The following ZNF532 variants were observed in gnomAD, a reference collection of about 807,000 sequenced individuals.
ZNF532 encodes the protein zinc finger protein 532.
In ZNF532, 22 loss-of-function variants were observed where a neutral mutation model predicts 89.3. The observed-to-expected ratio is 0.25, with a 90% CI of 0.18 to 0.35. The LOEUF is 0.35. ZNF532 is among the 10% of genes least tolerant of loss of function. The probability of loss-of-function intolerance (pLI) is 1.00; values close to 1 mark genes in which losing one functional copy is unlikely to be tolerated. For missense variants in ZNF532, 1,132 were observed against 1,643.4 expected (o/e 0.69, Z 5.38); for synonymous variants, 606 against 649.6 (o/e 0.93, Z 1.02).
chr18:58,970,400 A>T (rs1192986307), intron 7 of ZNF532, among the ~76,000 whole-genome samples: 4 of 152,204 alleles, frequency 2.6e-5, no homozygotes, highest in African/African-American at 9.6e-5. Context: ...CATGTCACCC[A>T]TCTGTAGATG....
chr18:58,872,727 T>G (rs1164965509), intron 2 of ZNF532, among the ~76,000 whole-genome samples: 4 of 148,002 alleles, frequency 2.7e-5, no homozygotes, highest in Non-Finnish European at 6.0e-5. Context: ...TGAGACCGAG[T>G]TTTGCTGTGT....
At chr18:58,914,449 C>T (rs551614327) in intron 2 of ZNF532, among the ~76,000 whole-genome samples, 3 of 152,284 alleles carry the variant, frequency 2.0e-5, no homozygotes, top group Non-Finnish European at 2.9e-5. Context: ...TGGGAGGCCG[C>T]GGCGGGCGGA....
chr18:58,965,477 G>C (rs962178028), intron 7 of ZNF532, among the ~76,000 whole-genome samples: 1 of 152,226 alleles, frequency 6.6e-6, no homozygotes, highest in Non-Finnish European at 1.5e-5. Flanking sequence ...TTCAAAAGCT[G>C]CTTAATTTTA....
At chr18:58,900,870 T>C (rs2038478587) in intron 2 of ZNF532, among the ~76,000 whole-genome samples, 1 of 152,200 alleles carries the variant, frequency 6.6e-6, no homozygotes, top group African/African-American at 2.4e-5. Context: ...TTAGCCATGA[T>C]GCCCAGTTCC....
chr18:58,978,894 G>T (rs2067375156), intron 7 of ZNF532, among the ~76,000 whole-genome samples, 161 bp from the exon 8 acceptor site: 1 of 152,146 alleles, frequency 6.6e-6, no homozygotes, highest in African/African-American at 2.4e-5. Context: ...GTCACATGAG[G>T]TCAGATATGA....
chr18:58,870,489 G>A (rs920133237), intron 2 of ZNF532, among the ~76,000 whole-genome samples: 4 of 152,186 alleles, frequency 2.6e-5, no homozygotes, highest in African/African-American at 9.7e-5. Context: ...GGGTGTGCGA[G>A]GGGATGGAGC....
chr18:58,891,357 C>CTA (rs2058889500), intron 2 of ZNF532, among the ~76,000 whole-genome samples: 1 of 152,146 alleles, frequency 6.6e-6, no homozygotes, highest in Non-Finnish European at 1.5e-5. Flanking sequence ...TGGCGAAACC[C>CTA]TATCTCTACT....
intron 6 of ZNF532, among the ~76,000 whole-genome samples, chr18:58,948,447 G>A (rs2063848869): frequency 6.6e-6 from 1 of 151,988 alleles, no homozygotes; most frequent in Non-Finnish European, 1.5e-5. Flanking sequence ...CTAAAGATTA[G>A]TGAAAAGGAA....
At chr18:58,955,438 A>G (rs374934935) in intron 7 of ZNF532, among the ~76,000 whole-genome samples, 12 of 152,254 alleles carry the variant, frequency 7.9e-5, no homozygotes, top group African/African-American at 2.4e-4. Context: ...ACTTAAGCCA[A>G]TAGAACAAAA....
At chr18:58,953,903 G>A (rs1480406776) in intron 7 of ZNF532, 104 bp downstream of exon 7, 4 of 1,481,990 alleles carry the variant, frequency 2.7e-6, no homozygotes. Flanking sequence ...AGTAATTAGT[G>A]CTGTGACCTT....
At chr18:58,946,588 C>T (rs1288300099) in intron 5 of ZNF532, among the ~76,000 whole-genome samples, 1 of 152,202 alleles carries the variant, frequency 6.6e-6, no homozygotes, top group East Asian at 1.9e-4. Flanking sequence ...TCTATTTAAC[C>T]ACTTATTTAT....
chr18:58,983,811 T>C (rs2068126300), intron 9 of ZNF532, among the ~76,000 whole-genome samples, 161 bp from the exon 10 acceptor site: 1 of 152,060 alleles, frequency 6.6e-6, no homozygotes, highest in Admixed American at 6.6e-5. Context: ...AAGAAAGGCA[T>C]GGGCCTCCGG....
chr18:58,958,093 C>CT (rs1399930289), intron 7 of ZNF532, among the ~76,000 whole-genome samples: 1 of 150,012 alleles, frequency 6.7e-6, no homozygotes, highest in Admixed American at 6.7e-5. Context: ...ATACAAAAAC[C>CT]TAATTCTGGC....
At chr18:58,981,676 CATTT>C in intron 9 of ZNF532, 59 bp downstream of exon 9, 2 of 1,595,278 alleles carry the variant, frequency 1.3e-6, no homozygotes, top group Non-Finnish European at 1.7e-6. Flanking sequence ...TTTTCCCATT[CATTT>C]TTTTCCTTTC....
intron 7 of ZNF532, among the ~76,000 whole-genome samples, chr18:58,956,890 C>A (rs1042084817): frequency 1.3e-5 from 2 of 152,208 alleles, no homozygotes; most frequent in Non-Finnish European, 2.9e-5. Flanking sequence ...AAACATTTAA[C>A]TTTCTCTTGG....
chr18:58,895,118 G>A (rs770909498), intron 2 of ZNF532, among the ~76,000 whole-genome samples: 3 of 152,314 alleles, frequency 2.0e-5, no homozygotes, highest in Non-Finnish European at 4.4e-5. Flanking sequence ...TGTGTAAATT[G>A]TTGCTAAAGT....
intron 3 of ZNF532, among the ~76,000 whole-genome samples, chr18:58,933,117 G>T (rs900303481): frequency 2.6e-5 from 4 of 152,226 alleles, no homozygotes; most frequent in African/African-American, 9.6e-5. Flanking sequence ...TAATGAATCT[G>T]TTGACTGGTT....
intron 7 of ZNF532, among the ~76,000 whole-genome samples, chr18:58,968,593 G>A (rs527819517): frequency 3.9e-5 from 6 of 152,264 alleles, no homozygotes; most frequent in African/African-American, 1.2e-4. Flanking sequence ...TGTGACCCAC[G>A]GTTCCCTCCC....
rs71173096 is a variant in ZNF532 at position 58,888,891 on chromosome 18, T to TTATATATA, written c.-18+23327_-18+23334dup. 3.8e-4 allele frequency among the ~76,000 whole-genome samples: 14 copies of TTATATATA among 37,276 alleles called. 3 individuals carry two copies. The East Asian group carries it at 0.014, about 38-fold the overall frequency. 24.5% of individuals were successfully genotyped at this position (37,276 alleles called of 152,430 possible). On this transcript the variant is annotated intron_variant, in intron 2 of 9. Coordinates refer to ENST00000591808, the MANE Select transcript of ZNF532 (RefSeq NM_001375912.1). Reference sequence around the variant, plus strand: ...ATAATATATATTATATATATATATTTTATATATATATATATATATATAATT... The same window carrying TTATATATA: ...ATAATATATATTATATATATATATTTTATATATATATATATATATATATATATATAATT...
Sources: allele counts gnomAD v4.1 joint callset (sites outside exome capture counted in the v4.1 genomes callset), GRCh38; gene constraint gnomAD v4.1.1; transcripts MANE v1.5; gene names NCBI Gene and HGNC (gene_info 2026-07-23, HGNC 2026-07-21).